Variants in SSC5D observed in about 807,000 individuals in gnomAD.
SSC5D encodes scavenger receptor cysteine rich family member with 5 domains, also known as soluble scavenger receptor cysteine-rich domain-containing protein SSC5D.
A neutral mutation model predicts 104.6 loss-of-function variants in SSC5D; 106 were observed. The observed-to-expected ratio is 1.01, with a 90% CI of 0.87 to 1.19. The LOEUF (loss-of-function observed/expected upper bound fraction) is 1.19. Among genes scored for constraint, SSC5D ranks in the 50% most tolerant of loss-of-function variants. The pLI is 0.00. For synonymous variants in SSC5D, 860 were observed against 883.5 expected, an observed-to-expected ratio of 0.97 and a Z score of 0.47; for missense variants, 1,993 against 2,153.8, an observed-to-expected ratio of 0.93 and a Z score of 1.48.
Position 55,489,003 on chromosome 19 carries a change from C to A in SSC5D, c.26-3C>A. Reference sequence around the variant, plus strand: ...CTGCCCCACCCTCCGCCCTCCCTTCCAGCGGCCCTGGTGGGGATCCAGGCT... The same window carrying A: ...CTGCCCCACCCTCCGCCCTCCCTTCAAGCGGCCCTGGTGGGGATCCAGGCT... On this transcript the variant is annotated splice_region_variant and splice_polypyrimidine_tract_variant and intron_variant, in intron 1 of 13. Transcript: ENST00000389623. 6.7e-7 allele frequency: 1 copy of A among 1,498,378 alleles called. No homozygotes were observed. Among genetic ancestry groups the A allele is most frequent in the Non-Finnish European group, 8.9e-7 (1 of 1,124,962 alleles). 92.8% of individuals were successfully genotyped at this position (1,498,378 alleles called of 1,614,324 possible).
intron 1 of SSC5D, 149 bp downstream of exon 1, chr19:55,488,763 T>C (rs1345583191): frequency 3.9e-6 from 3 of 765,944 alleles, no homozygotes; most frequent in Non-Finnish European, 6.4e-6. Context: ...CCCTGCTCAA[T>C]CTGCCCAGCC....
chr19:55,499,467 G>A (rs1187442775), intron 9 of SSC5D, among the ~76,000 whole-genome samples: 1 of 152,178 alleles, frequency 6.6e-6, no homozygotes, highest in Non-Finnish European at 1.5e-5. Flanking sequence ...TGACAGGGAG[G>A]TAGGGAGACC....
intron 13 of SSC5D, among the ~76,000 whole-genome samples, chr19:55,516,972 G>A (rs1568485584): frequency 1.3e-5 from 2 of 151,590 alleles, no homozygotes; most frequent in Admixed American, 1.3e-4. Context: ...CGCAACCCGC[G>A]TGCCCCTCGG....
chr19:55,497,902 G>C lies in SSC5D; in HGVS notation c.1410G>C (p.Val470=), dbSNP rs1211311805. Residue 470 remains valine (V), a synonymous_variant, in exon 9 of 14, where the codon GTG becomes GTC. Coordinates refer to ENST00000389623, the MANE Select transcript of SSC5D (RefSeq NM_001144950.2). The part of the protein sequence containing the change: ...PEAGSPQLRL[V]AGPSKCSGRL... ...CAGGGTCCCCCCAGCTGCGCCTGGT[G>C]GCTGGGCCCAGCAAGTGCTCAGGTC... The C allele has an allele frequency of 6.5e-7, 1 of 1,543,470 alleles. No homozygotes were observed. The highest frequency in any genetic ancestry group is 2.0e-5 in the Admixed American group (1 of 50,846).
In SSC5D at chr19:55,500,592, AC is replaced by A; in HGVS notation, c.2407del (p.Leu803CysfsTer20). 1 of 1,551,632 alleles carries A rather than the reference AC, an allele frequency of 6.4e-7. No individual in the cohort carries two copies. The highest frequency in any genetic ancestry group is 2.0e-5 in the Admixed American group (1 of 50,990). On this transcript the variant is annotated frameshift_variant, in exon 11 of 14. Coordinates refer to ENST00000389623, the MANE Select transcript of SSC5D (RefSeq NM_001144950.2). LOFTEE classifies it high-confidence loss of function. This position sits in a 1 kb window ranked among gnomAD's most constrained non-coding sequence, Gnocchi z 4.6. ...RWGTVCDDNW[D>X]LRDATVACWE... is the part of the protein sequence containing the mutation. ...GGAACAGTGTGTGATGACAACTGGGACCTGCGGGACGCCACTGTGGCCTGCT... is the reference window on the plus strand; with the variant it reads ...GGAACAGTGTGTGATGACAACTGGGACTGCGGGACGCCACTGTGGCCTGCT...
At chr19:55,495,658 G>A (rs1216247774) in intron 8 of SSC5D, among the ~76,000 whole-genome samples, 2 of 152,086 alleles carry the variant, frequency 1.3e-5, no homozygotes, top group East Asian at 3.9e-4. Context: ...GTTCTCAAGA[G>A]GATGGCGTGC....
chr19:55,490,090 G>T (rs1275911021), intron 4 of SSC5D, 95 bp downstream of exon 4: 1 of 523,304 alleles, frequency 1.9e-6, no homozygotes, highest in Non-Finnish European at 2.8e-6. Flanking sequence ...CCCACCCAGC[G>T]TGCCCTCCTG....
Position 55,518,510 on chromosome 19 carries a change from C to A in SSC5D, c.4234C>A (p.Pro1412Thr). ...MDPLSTEDFKPPRSQSPNLTP... is the reference protein window; with the variant it reads ...MDPLSTEDFKTPRSQSPNLTP... ...CCCACTGTCCACTGAGGACTTCAAG[C>A]CACCCAGAAGCCAGAGCCCCAACCT... The change falls in exon 14 of 14, where the codon CCA becomes ACA. Residue 1412 changes from proline (P) to threonine (T), a missense_variant. This residue lies in a region of SSC5D where 349 missense variants were observed against 397.6 expected (regional missense o/e 0.88). Transcript: ENST00000389623. 6.4e-7 allele frequency: 1 copy of A among 1,551,360 alleles called. No individual in the cohort carries two copies. Among genetic ancestry groups the A allele is most frequent in the Non-Finnish European group, 8.7e-7 (1 of 1,146,920 alleles).
At position 55,517,425 on chromosome 19, in the gene SSC5D, C is replaced by G. The variant is rs1987898082; in HGVS notation, c.3149C>G (p.Pro1050Arg). Residue 1050 changes from proline to arginine, a missense_variant, in exon 14 of 14, where the codon CCC (proline) becomes CGC (arginine). Pro to Arg is a moderately radical substitution (Grantham distance 103, BLOSUM62 -2). Around this residue, in one of 6 missense-constraint regions of SSC5D, gnomAD observed 423 missense variants for 409.2 expected, o/e 1.03. Transcript: ENST00000389623. ...ATSDAPDTSP[P>R]TPDPASRTNP... ...TCTGACGCTCCGGACACTTCACCAC[C>G]CACCCCAGACCCGGCCTCCCGGACG... is the stretch of plus-strand genomic sequence containing the variant. 1 of 1,550,986 alleles carries G rather than the reference C, an allele frequency of 6.4e-7. No individual in the cohort carries two copies.
chr19:55,497,799 G>T (rs956347415), intron 8 of SSC5D, 81 bp from the exon 9 acceptor site: 15 of 1,295,212 alleles, frequency 1.2e-5, no homozygotes, highest in East Asian at 2.6e-5. Flanking sequence ...AAAGGAAGAT[G>T]GGGGGAGGGA....
At chr19:55,489,802 T>C in intron 3 of SSC5D, 80 bp from the exon 4 acceptor site, 1 of 1,482,640 alleles carries the variant, frequency 6.7e-7, no homozygotes, top group South Asian at 1.2e-5. Flanking sequence ...GCCAGGTGGC[T>C]AACTCCCTCT....
intron 8 of SSC5D, among the ~76,000 whole-genome samples, chr19:55,495,647 G>A (rs901353058): frequency 1.3e-5 from 2 of 152,014 alleles, no homozygotes; most frequent in African/African-American, 4.8e-5. Context: ...TGTGACTGAC[G>A]GTTCTCAAGA....
intron 12 of SSC5D, among the ~76,000 whole-genome samples, chr19:55,512,486 T>A (rs1394719024): frequency 1.0e-3 from 2 of 1,912 alleles, no homozygotes; most frequent in Non-Finnish European, 4.3e-3. Flanking sequence ...ATAAATTCCT[T>A]TTTTTTTTTT....
intron 13 of SSC5D, among the ~76,000 whole-genome samples, chr19:55,516,577 G>A (rs1987877122): frequency 6.6e-6 from 1 of 151,202 alleles, no homozygotes; most frequent in Non-Finnish European, 1.5e-5. Context: ...GTTGGATCCC[G>A]TCTTTGGTTA....
Position 55,500,406 on chromosome 19 carries a change from G to A in SSC5D, c.2296G>A (p.Glu766Lys). The A allele has an allele frequency of 6.5e-7, 1 of 1,550,372 alleles. No homozygotes were observed. The highest frequency in any genetic ancestry group is 8.7e-7 in the Non-Finnish European group (1 of 1,146,132). The change falls in exon 10 of 14, where the codon GAA (glutamate) becomes AAA (lysine). Residue 766 changes from glutamate (E) to lysine (K), a missense_variant. Glu to Lys is a moderately conservative substitution (Grantham distance 56, BLOSUM62 1). This residue lies in a region of SSC5D where 1,101 missense variants were observed against 1,085.0 expected (regional missense o/e 1.01). Coordinates refer to ENST00000389623, the MANE Select transcript of SSC5D (RefSeq NM_001144950.2). This position sits in a 1 kb window ranked among gnomAD's most constrained non-coding sequence, Gnocchi z 4.6. ...APSPSVSTTG[E>K]SGLFRVRLAD... Reference sequence around the variant, plus strand: ...CTCTCCCAGTGTTAGCACCACTGGGGAATCAGGTGAGTGGCCGTGAGGGGT... The same window carrying A: ...CTCTCCCAGTGTTAGCACCACTGGGAAATCAGGTGAGTGGCCGTGAGGGGT...
chr19:55,488,643 G>A (rs1008406132), intron 1 of SSC5D, 29 bp downstream of exon 1: 49 of 1,543,074 alleles, frequency 3.2e-5, no homozygotes, highest in African/African-American at 6.9e-5. Flanking sequence ...TTGGGGACTC[G>A]GGGGGCCTAG....
In SSC5D at chr19:55,491,063, C is replaced by T. The variant is rs777751220; in HGVS notation, c.878C>T (p.Ala293Val). 76 of 1,549,772 alleles carry T rather than the reference C, an allele frequency of 4.9e-5. No individual in the cohort carries two copies. The African/African-American group carries it at 6.0e-4, about 12-fold the overall frequency. ...AGCAACTGTGACCACAGCGAGGATG[C>T]GGGGCTGGTCTGCACCGGTACGTCG... is the stretch of plus-strand genomic sequence containing the variant. ...GRSNCDHSED[A>V]GLVCTGPAPR... The change falls in exon 6 of 14, where the codon GCG becomes GTG. Residue 293 changes from alanine (A) to valine (V), a missense_variant. By Grantham distance (64) the Ala-to-Val change is moderately conservative. Transcript: ENST00000389623.
intron 8 of SSC5D, among the ~76,000 whole-genome samples, chr19:55,497,274 AAAC>A (rs1307584178): frequency 6.6e-6 from 1 of 152,206 alleles, no homozygotes; most frequent in Non-Finnish European, 1.5e-5. Flanking sequence ...CCTGACTCAT[AAAC>A]AACAACAAAA....
intron 6 of SSC5D, 78 bp downstream of exon 6, chr19:55,491,158 C>T (rs752267374): frequency 1.5e-4 from 218 of 1,449,754 alleles, no homozygotes; most frequent in Non-Finnish European, 1.8e-4. Flanking sequence ...GAAGCTGCAG[C>T]GGGCCTGCTC....
Sources: allele counts gnomAD v4.1 joint callset (sites outside exome capture counted in the v4.1 genomes callset), GRCh38; gene constraint gnomAD v4.1.1; regional missense constraint gnomAD v4.1.1; non-coding constraint Gnocchi (gnomAD v3.1); transcripts MANE v1.5; gene names NCBI Gene and HGNC (gene_info 2026-07-23, HGNC 2026-07-21).